FAM13A: variants seen among roughly 807,000 people sequenced by gnomAD.
FAM13A encodes family with sequence similarity 13 member A.
FAM13A carries 76 observed loss-of-function variants against 129.6 expected under a neutral mutation model. The ratio of observed to expected loss-of-function variants is 0.59; its 90% CI spans 0.49 to 0.71. FAM13A has a LOEUF of 0.71. Ranked by LOEUF, FAM13A falls within the 30% of genes least tolerant of loss-of-function variation. The probability of loss-of-function intolerance (pLI) is 0.00; values close to 1 mark genes in which losing one functional copy is unlikely to be tolerated. For synonymous variants in FAM13A, 443 were observed against 449.9 expected (o/e 0.98, Z 0.20); for missense variants, 1,108 against 1,249.3 (o/e 0.89, Z 1.70).
chr4:88,735,383 A>G (rs1738772288), intron 21 of FAM13A, among the ~76,000 whole-genome samples: 1 of 152,260 alleles, frequency 6.6e-6, no homozygotes, highest in Non-Finnish European at 1.5e-5. Context: ...ATACTTATGT[A>G]GTGAGTGACA....
chr4:88,903,983 G>C (rs193098077), intron 6 of FAM13A, among the ~76,000 whole-genome samples: 1 of 152,120 alleles, frequency 6.6e-6, no homozygotes, highest in Non-Finnish European at 1.5e-5. Flanking sequence ...CTTCTCAAAA[G>C]AAGACATTTA....
Position 88,780,951 on chromosome 4 carries a change from G to C in FAM13A, c.1458+214C>G, listed in dbSNP as rs77418872. 4.3e-3 allele frequency among the ~76,000 whole-genome samples: 651 copies of C among 151,428 alleles called. 9 individuals carry two copies. Among genetic ancestry groups the C allele is most frequent in the African/African-American group, 0.015 (611 of 41,276 alleles). Reference sequence around the variant, plus strand: ...AAAACAATGGAAATCAGAATGTGTGGTGTCTCTTGTTCCTTTGTAGAATAT... The same window carrying C: ...AAAACAATGGAAATCAGAATGTGTGCTGTCTCTTGTTCCTTTGTAGAATAT... On this transcript the variant is annotated intron_variant, in intron 11 of 23. Coordinates refer to ENST00000264344, the MANE Select transcript of FAM13A (RefSeq NM_014883.4).
At chr4:88,842,874 T>C (rs1240465682) in intron 7 of FAM13A, among the ~76,000 whole-genome samples, 1 of 152,196 alleles carries the variant, frequency 6.6e-6, no homozygotes, top group Non-Finnish European at 1.5e-5. Context: ...GTCATAGCAA[T>C]TGTATTGAAG....
At chr4:88,867,703 AATGAAGC>A (rs1283658042) in intron 6 of FAM13A, among the ~76,000 whole-genome samples, 1 of 152,252 alleles carries the variant, frequency 6.6e-6, no homozygotes, top group Non-Finnish European at 1.5e-5. Context: ...CACTGAGGTG[AATGAAGC>A]AAGTTGGAGA....
In FAM13A at chr4:89,025,311, G is replaced by C. The variant is rs180911841; in HGVS notation, c.217+4149C>G. Among the ~76,000 whole-genome samples, 637 of 134,436 alleles carry C rather than the reference G, an allele frequency of 4.7e-3. 6 individuals are homozygous for C. The highest frequency in any genetic ancestry group is 0.017 in the African/African-American group (607 of 35,548). 88.2% of individuals were successfully genotyped at this position (134,436 alleles called of 152,430 possible). On this transcript the variant is annotated intron_variant, in intron 2 of 23. Transcript: ENST00000264344. Reference sequence around the variant, plus strand: ...CTCGCTCTGTCGCCCAGGCCGGACTGCGGACTGCAGTGGCGCAATCTCGGC... The same window carrying C: ...CTCGCTCTGTCGCCCAGGCCGGACTCCGGACTGCAGTGGCGCAATCTCGGC...
intron 6 of FAM13A, among the ~76,000 whole-genome samples, chr4:88,894,227 C>T (rs1477627606): frequency 6.6e-6 from 1 of 152,132 alleles, no homozygotes; most frequent in Non-Finnish European, 1.5e-5. Flanking sequence ...TAGAATGAGT[C>T]ACATGAAAAT....
chr4:88,821,471 T>C (rs572618900), intron 7 of FAM13A, among the ~76,000 whole-genome samples: 1 of 152,372 alleles, frequency 6.6e-6, no homozygotes, highest in Admixed American at 6.5e-5. Context: ...ATGATGGTTT[T>C]ATTTTAGCTT....
intron 2 of FAM13A, among the ~76,000 whole-genome samples, chr4:89,025,261 T>C (rs1335264870): frequency 8.1e-6 from 1 of 123,510 alleles, no homozygotes; most frequent in East Asian, 2.2e-4. Context: ...TTTTTTTTTT[T>C]TTTTTTTTTT....
intron 7 of FAM13A, chr4:88,823,204 T>C (rs1732380877): frequency 7.0e-7 from 1 of 1,435,304 alleles, no homozygotes; most frequent in Non-Finnish European, 9.1e-7. Context: ...CAGGCAATGC[T>C]ATTTTATCGG....
chr4:88,884,627 T>C (rs1359396914), intron 6 of FAM13A, among the ~76,000 whole-genome samples: 6 of 152,148 alleles, frequency 3.9e-5, no homozygotes, highest in African/African-American at 1.2e-4. Flanking sequence ...CTATTCAACA[T>C]AGTACTGGAA....
Position 88,760,488 on chromosome 4 carries a change from C to T in FAM13A, c.1579-1587G>A, listed in dbSNP as rs568321310. On this transcript the variant is annotated intron_variant, in intron 13 of 23. Coordinates refer to ENST00000264344, the MANE Select transcript of FAM13A (RefSeq NM_014883.4). The stretch of plus-strand genomic sequence containing the variant: ...GCGTGGTGGCGGGCGCCTGTGGTCC[C>T]GGCTACTCGGGAGGCTGAGGCAGGA... Among the ~76,000 whole-genome samples, 332 of 75,646 alleles carry T rather than the reference C, an allele frequency of 4.4e-3. 79 individuals are homozygous for T. Among genetic ancestry groups the T allele is most frequent in the African/African-American group, 0.011 (302 of 28,732 alleles). The allele number at this position is 75,646 out of a possible 152,430, so 49.6% of individuals were successfully genotyped here. A position where few individuals can be genotyped will look rare whatever the true frequency, so the allele number is the denominator to read the frequency against.
At chr4:88,958,423 A>G (rs1168651805) in intron 4 of FAM13A, among the ~76,000 whole-genome samples, 1 of 152,212 alleles carries the variant, frequency 6.6e-6, no homozygotes, top group African/African-American at 2.4e-5. Context: ...TGCTCACTGC[A>G]TCTCAGCCAC....
chr4:88,817,205 C>T (rs2149806230), intron 7 of FAM13A, among the ~76,000 whole-genome samples: 1 of 152,246 alleles, frequency 6.6e-6, no homozygotes, highest in Middle Eastern at 3.4e-3. Flanking sequence ...TGTGAATATA[C>T]TCAAAACTAT....
At chr4:88,952,668 C>T (rs1033541691) in intron 4 of FAM13A, among the ~76,000 whole-genome samples, 1 of 152,178 alleles carries the variant, frequency 6.6e-6, no homozygotes, top group Non-Finnish European at 1.5e-5. Flanking sequence ...AAACTTGAGG[C>T]CCGGTACAGT....
At chr4:89,032,100 C>T (rs902031035) in intron 1 of FAM13A, among the ~76,000 whole-genome samples, 4 of 151,960 alleles carry the variant, frequency 2.6e-5, no homozygotes, top group Admixed American at 2.0e-4. Context: ...AAAAATTAGC[C>T]GGACATGGTG....
chr4:88,729,245 A>G (rs1578388223), intron 23 of FAM13A: 1 of 152,688 alleles, frequency 6.5e-6, no homozygotes, highest in East Asian at 1.9e-4. Context: ...GCCCTGTGCT[A>G]AGTACTTTGT....
chr4:88,760,090 C>A (rs1744488808), intron 13 of FAM13A, among the ~76,000 whole-genome samples: 1 of 152,196 alleles, frequency 6.6e-6, no homozygotes, highest in Non-Finnish European at 1.5e-5. Context: ...TAAGTGATTT[C>A]ATTAATGTAT....
At position 88,938,222 on chromosome 4, in the gene FAM13A, C is replaced by A; in HGVS notation, c.625G>T (p.Gly209Cys). The A allele has an allele frequency of 6.2e-7, 1 of 1,609,068 alleles. No homozygotes were observed. Among genetic ancestry groups the A allele is most frequent in the Non-Finnish European group, 8.5e-7 (1 of 1,178,382 alleles). ...NCFHVPPGLE[G>C]MKEQDLCNKI... ...TTGCACAGGTCCTGTTCCTTCATGCCTTCAAGCCCAGGTGGCACACTAGAA... is the reference window on the plus strand; with the variant it reads ...TTGCACAGGTCCTGTTCCTTCATGCATTCAAGCCCAGGTGGCACACTAGAA... The change falls in exon 5 of 24, where the codon GGC becomes TGC. Residue 209 changes from glycine to cysteine, a missense_variant. Gly to Cys is a radical substitution (Grantham distance 159, BLOSUM62 -3). Coordinates refer to ENST00000264344, the MANE Select transcript of FAM13A (RefSeq NM_014883.4).
Position 88,967,464 on chromosome 4 carries a change from C to T in FAM13A, c.605+23509G>A, listed in dbSNP as rs1480180409. Reference sequence around the variant, plus strand: ...CAGTCTAGATAAAATACACCAAATTCGTTTATGAGCACGTTTATTGGTAAG... The same window carrying T: ...CAGTCTAGATAAAATACACCAAATTTGTTTATGAGCACGTTTATTGGTAAG... On this transcript the variant is annotated intron_variant, in intron 4 of 23. Transcript: ENST00000264344. Among the ~76,000 whole-genome samples, 13 of 152,156 alleles carry T rather than the reference C, an allele frequency of 8.5e-5. No homozygotes were observed. In the East Asian group the frequency reaches 9.6e-4, roughly 11 times the overall value.
Sources: gnomAD v4.1 joint callset for allele counts (sites outside exome capture counted in the v4.1 genomes callset) on GRCh38, gnomAD v4.1.1 for gene constraint, MANE v1.5 for transcripts, NCBI Gene and HGNC (gene_info 2026-07-23, HGNC 2026-07-21) for gene names.